Variants in CAST observed in about 807,000 individuals in gnomAD.
The protein encoded by CAST is MIR583 host.
Under a neutral mutation model 119.6 loss-of-function variants are expected in CAST, and 76 were observed. The observed-to-expected ratio is 0.64, with a 90% CI of 0.53 to 0.77. The LOEUF is 0.77. CAST is among the 30% of genes least tolerant of loss of function. CAST has a pLI of 0.00. For synonymous variants in CAST, 319 were observed against 331.6 expected, an observed-to-expected ratio of 0.96 and a Z score of 0.41; for missense variants, 953 against 946.5, an observed-to-expected ratio of 1.01 and a Z score of -0.09.
the CAST span, among the ~76,000 whole-genome samples, chr5:96,471,471 A>G: frequency 2.0e-5 from 3 of 152,148 alleles, no homozygotes; most frequent in Admixed American, 2.0e-4. Flanking sequence ...GATGCCTCGC[A>G]TTTTTATGTA....
chr5:96,467,728 A>AG, the CAST span, among the ~76,000 whole-genome samples: 2 of 151,638 alleles, frequency 1.3e-5, no homozygotes, highest in Non-Finnish European at 2.9e-5. Flanking sequence ...GTAAAAAAAA[A>AG]CAATAGCTGT....
chr5:96,100,884 C>T, the CAST span, among the ~76,000 whole-genome samples: 19 of 151,994 alleles, frequency 1.3e-4, no homozygotes, highest in African/African-American at 4.1e-4. Context: ...TTATGTACAA[C>T]ATATATGAAA....
chr5:96,725,591 GTCA>G (rs2150417279), intron 4 of CAST, among the ~76,000 whole-genome samples: 1 of 152,274 alleles, frequency 6.6e-6, no homozygotes, highest in South Asian at 2.1e-4. Context: ...AGTTATTATG[GTCA>G]TCATTATTAT....
chr5:96,450,471 ATAC>A, the CAST span, among the ~76,000 whole-genome samples: 1 of 152,184 alleles, frequency 6.6e-6, no homozygotes, highest in South Asian at 2.1e-4. Flanking sequence ...GAGGGTTGAA[ATAC>A]TACCTATTGG....
At chr5:96,581,132 C>T (rs1301998602) in intron 1 of CAST, among the ~76,000 whole-genome samples, 6 of 152,194 alleles carry the variant, frequency 3.9e-5, no homozygotes, top group Admixed American at 3.9e-4. Context: ...AAAACAGAAA[C>T]TAAGTTTTAA....
At chr5:96,675,483 T>G (rs1229755126) in intron 1 of CAST, 56 bp from the exon 2 acceptor site, 1 of 1,257,604 alleles carries the variant, frequency 8.0e-7, no homozygotes, top group African/African-American at 1.5e-5. Context: ...GGGATTAAAG[T>G]TACTGTCATC....
chr5:96,097,310 G>C, the CAST span, among the ~76,000 whole-genome samples: 1 of 151,270 alleles, frequency 6.6e-6, no homozygotes, highest in Non-Finnish European at 1.5e-5. Flanking sequence ...GGGATTTCAA[G>C]GTAGGATGAG....
At chr5:96,694,810 T>C (rs1753093347) in intron 2 of CAST, among the ~76,000 whole-genome samples, 1 of 152,168 alleles carries the variant, frequency 6.6e-6, no homozygotes, top group South Asian at 2.1e-4. Flanking sequence ...AATAGTTACA[T>C]AAGAAAACAC....
At chr5:96,397,793 GAATTA>G in the CAST span, among the ~76,000 whole-genome samples, 1,037 of 150,882 alleles carry the variant, frequency 6.9e-3, 3 homozygotes, top group Non-Finnish European at 0.011. Context: ...TTTACAAATT[GAATTA>G]GAGAGTCAAA....
the CAST span, among the ~76,000 whole-genome samples, chr5:96,460,142 T>A: frequency 2.0e-5 from 3 of 152,168 alleles, no homozygotes; most frequent in Admixed American, 2.0e-4. Context: ...TCCAGTGGGA[T>A]GATCCTCTTC....
At chr5:96,058,875 G>A in the CAST span, among the ~76,000 whole-genome samples, 15 of 152,054 alleles carry the variant, frequency 9.9e-5, no homozygotes, top group African/African-American at 3.6e-4. Context: ...CAGTCTGAAG[G>A]CAAAAATGCT....
intron 1 of CAST, among the ~76,000 whole-genome samples, chr5:96,603,759 CTTTTTTTTT>C (rs70981832): frequency 2.5e-5 from 2 of 79,498 alleles, no homozygotes; most frequent in Admixed American, 1.8e-4. Context: ...GTGCTGTACT[CTTTTTTTTT>C]TTTTTTTTTT....
chr5:96,743,548 C>A, intron 16 of CAST: 1 of 1,546,860 alleles, frequency 6.5e-7, no homozygotes, highest in South Asian at 1.2e-5. Context: ...CTGTCACTTC[C>A]TGTTCTGAGT....
chr5:96,552,103 A>C (rs1173191880), intron 1 of CAST, among the ~76,000 whole-genome samples: 4 of 152,152 alleles, frequency 2.6e-5, no homozygotes, highest in Non-Finnish European at 5.9e-5. Context: ...ACCCCAAATC[A>C]ACAGAATATA....
At chr5:96,455,988 G>A in the CAST span, among the ~76,000 whole-genome samples, 6,744 of 152,226 alleles carry the variant, frequency 0.044, 359 homozygotes, top group African/African-American at 0.12. Flanking sequence ...ACAACAAAAA[G>A]TTCCCTCTGG....
the CAST span, among the ~76,000 whole-genome samples, chr5:96,282,182 T>A: frequency 1.5e-5 from 1 of 66,300 alleles, no homozygotes; most frequent in Non-Finnish European, 3.1e-5. Flanking sequence ...GGGGTGGGGG[T>A]GGGGTGTCTA....
At chr5:96,230,831 A>G in the CAST span, among the ~76,000 whole-genome samples, 3 of 152,204 alleles carry the variant, frequency 2.0e-5, no homozygotes, top group African/African-American at 7.2e-5. Context: ...GGGGCAGATG[A>G]TAAGAATAGA....
At chr5:96,422,794 C>T in the CAST span, among the ~76,000 whole-genome samples, 11 of 152,238 alleles carry the variant, frequency 7.2e-5, no homozygotes, top group East Asian at 1.2e-3. Flanking sequence ...AACAATGAAG[C>T]AAATTGTTTT....
At chr5:96,420,449 T>C in the CAST span, among the ~76,000 whole-genome samples, 1 of 152,126 alleles carries the variant, frequency 6.6e-6, no homozygotes, top group African/African-American at 2.4e-5. Context: ...TCCTATTGTG[T>C]TTTTACTGGA....
Sources: gnomAD v4.1 joint callset for allele counts (sites outside exome capture counted in the v4.1 genomes callset) on GRCh38, gnomAD v4.1.1 for gene constraint, MANE v1.5 for transcripts, NCBI Gene and HGNC (gene_info 2026-07-23, HGNC 2026-07-21) for gene names.